Variants in TTN observed in about 807,000 individuals in gnomAD.
TTN encodes connectin.
TTN carries 1,525 observed loss-of-function variants against 3,223.0 expected under a neutral mutation model. That is an observed-to-expected ratio of 0.47 (90% CI 0.45 to 0.49). The LOEUF (loss-of-function observed/expected upper bound fraction) is 0.49. Among genes scored for constraint, TTN ranks in the 20% least tolerant of loss-of-function variants. The pLI, the probability that TTN is intolerant of heterozygous loss-of-function variation, is 0.00. For synonymous variants in TTN, 14,094 were observed against 15,161.0 expected, an observed-to-expected ratio of 0.93 and a Z score of 5.17; for missense variants, 40,786 against 43,424.0, an observed-to-expected ratio of 0.94 and a Z score of 5.40.
At position 178,582,555 on chromosome 2, in the gene TTN, T is replaced by G; in HGVS notation, c.65901A>C (p.Lys21967Asn). Reference sequence around the variant, plus strand: ...AAAGCATAGCACGATCTGAATACATTTTGTTGATTTTAACAGATGCTGGAG... The same window carrying G: ...AAAGCATAGCACGATCTGAATACATGTTGTTGATTTTAACAGATGCTGGAG... The part of the protein sequence containing the change: ...PGPPASVKIN[K>N]MYSDRAMLSW... The change falls in exon 314 of 363, where the codon AAA becomes AAC. Residue 21967 changes from lysine (K) to asparagine (N), a missense_variant. Coordinates refer to ENST00000589042, the MANE Select transcript of TTN (RefSeq NM_001267550.2). 4.3e-6 allele frequency: 7 copies of G among 1,611,664 alleles called. No homozygotes were observed. The highest frequency in any genetic ancestry group is 5.9e-6 in the Non-Finnish European group (7 of 1,178,572).
At chr2:178,558,699 C>T (rs977463779) in intron 326 of TTN, 62 bp from the exon 327 acceptor site, 129 of 1,481,404 alleles carry the variant, frequency 8.7e-5, no homozygotes, top group Non-Finnish European at 1.1e-4. Context: ...AATGTGCACT[C>T]TTCATGTATT....
Position 178,654,425 on chromosome 2 carries a change from C to T in TTN, c.38296+20G>A. The T allele has an allele frequency of 7.1e-7, 1 of 1,407,666 alleles. No individual in the cohort carries two copies. Among genetic ancestry groups the T allele is most frequent in the South Asian group, 1.4e-5 (1 of 71,468 alleles). The allele number at this position is 1,407,666 out of a possible 1,614,324, so 87.2% of individuals were successfully genotyped here. Reference sequence around the variant, plus strand: ...TCTTTCCCCAGGGCCCCCCGACTGACAATGTGTAATGATACCTACCTTTAG... The same window carrying T: ...TCTTTCCCCAGGGCCCCCCGACTGATAATGTGTAATGATACCTACCTTTAG... On this transcript the variant is annotated intron_variant, in intron 192 of 362. Transcript: ENST00000589042.
intron 81 of TTN, 53 bp downstream of exon 81, chr2:178,719,930 T>C (rs2078082591): frequency 6.5e-7 from 1 of 1,542,260 alleles, no homozygotes; most frequent in Non-Finnish European, 8.7e-7. Context: ...TTGAGGAAAA[T>C]GATCATGGAT....
In TTN at chr2:178,783,043, T is replaced by C. The variant is rs762556628; in HGVS notation, c.2863A>G (p.Ile955Val). 2.5e-6 allele frequency: 4 copies of C among 1,614,082 alleles called. No homozygotes were observed. Among genetic ancestry groups the C allele is most frequent in the Non-Finnish European group, 3.4e-6 (4 of 1,179,966 alleles). ...TCCAAGGTGACAGATTCACCTTCTATGACAGTCACATTTTTTAAGCCCTGA... is the reference window on the plus strand; with the variant it reads ...TCCAAGGTGACAGATTCACCTTCTACGACAGTCACATTTTTTAAGCCCTGA... The part of the protein sequence containing the change: ...LVSGLKNVTV[I>V]EGESVTLECH... Residue 955 changes from isoleucine (I) to valine (V), a missense_variant, in exon 18 of 363, where the codon ATA becomes GTA. Transcript: ENST00000589042.
chr2:178,538,251 T>G (rs1692586019), intron 354 of TTN: 1 of 465,608 alleles, frequency 2.1e-6, no homozygotes, highest in Admixed American at 3.9e-5. Context: ...TGGCATACAA[T>G]TGTTGACCTT....
rs1553912562 is a variant in TTN, at chr2:178,723,527, C to T, written c.21573G>A (p.Val7191=). The T allele has an allele frequency of 6.2e-7, 1 of 1,613,342 alleles. No homozygotes were observed. The highest frequency in any genetic ancestry group is 2.2e-5 in the East Asian group (1 of 44,804). ...DRCNIYFEDT[V]AELELFNIDI... ...CAATATTAAATAATTCCAGTTCTGC[C>T]ACAGTGTCTTCAAAATAGATGTTGC... The change falls in exon 74 of 363, where the codon GTG becomes GTA. Residue 7191 remains valine (V), a synonymous_variant. Transcript: ENST00000589042.
intron 330 of TTN, 157 bp from the exon 331 acceptor site, chr2:178,555,309 T>C: frequency 1.4e-6 from 1 of 695,536 alleles, no homozygotes; most frequent in Non-Finnish European, 2.3e-6. Context: ...ATTAAAAATT[T>C]ATAGGCCACT....
At position 178,570,218 on chromosome 2, in the gene TTN, G is replaced by A. The variant is rs142453163; in HGVS notation, c.75914C>T (p.Pro25305Leu). ...GACTTCTGGAGCTTTTGGTGCATCT[G>A]GTACTACAAATGGATTCTTGGCAAC... ...PVVAKNPFVV[P>L]DAPKAPEVTT... The change falls in exon 326 of 363, where the codon CCA becomes CTA. Residue 25305 changes from proline to leucine, a missense_variant. Transcript: ENST00000589042. The A allele has an allele frequency of 1.2e-4, 194 of 1,613,352 alleles. 1 individual carries two copies. The highest frequency in any genetic ancestry group is 1.5e-4 in the Non-Finnish European group (182 of 1,179,614).
chr2:178,668,432 T>C (rs1229135183), intron 159 of TTN, among the ~76,000 whole-genome samples: 2 of 151,558 alleles, frequency 1.3e-5, no homozygotes, highest in African/African-American at 4.8e-5. Context: ...TTTTTTAGAT[T>C]AAAAAAAATG....
chr2:178,557,853 T>C lies in TTN; in HGVS notation c.87501A>G (p.Gly29167=), dbSNP rs1303004729. ...LKWEPPKYDG[G]SQVTNYILLK... is the part of the protein sequence containing the mutation. ...GTAGAATGTAGTTGGTAACTTGACTTCCACCGTCATACTTAGGTGGCTCCC... is the reference window on the plus strand; with the variant it reads ...GTAGAATGTAGTTGGTAACTTGACTCCCACCGTCATACTTAGGTGGCTCCC... The change falls in exon 328 of 363, where the codon GGA becomes GGG. Residue 29167 remains glycine, a synonymous_variant. Transcript: ENST00000589042. The C allele has an allele frequency of 5.0e-6, 8 of 1,613,924 alleles. No individual in the cohort carries two copies. Among genetic ancestry groups the C allele is most frequent in the East Asian group, 4.5e-5 (2 of 44,880 alleles).
At chr2:178,550,801 A>G in intron 336 of TTN, 166 bp downstream of exon 336, 2 of 644,200 alleles carry the variant, frequency 3.1e-6, no homozygotes, top group Non-Finnish European at 5.2e-6. Flanking sequence ...ATTGATGCCA[A>G]TTATTTTTTT....
At position 178,547,692 on chromosome 2, in the gene TTN, C is replaced by T; in HGVS notation, c.93934G>A (p.Val31312Ile). The T allele has an allele frequency of 6.2e-7, 1 of 1,613,934 alleles. No homozygotes were observed. Among genetic ancestry groups the T allele is most frequent in the Non-Finnish European group, 8.5e-7 (1 of 1,179,836 alleles). The change falls in exon 339 of 363, where the codon GTA becomes ATA. Residue 31312 changes from valine (V) to isoleucine (I), a missense_variant. By Grantham distance (29) the Val-to-Ile change is conservative. Coordinates refer to ENST00000589042, the MANE Select transcript of TTN (RefSeq NM_001267550.2). Reference sequence around the variant, plus strand: ...GATGAGACCTCAATGGGGCCGGTTACTGGACCTGGCCTTCCAATGACCACA... The same window carrying T: ...GATGAGACCTCAATGGGGCCGGTTATTGGACCTGGCCTTCCAATGACCACA... ...TVVVIGRPGP[V>I]TGPIEVSSVS...
Position 178,534,675 on chromosome 2 carries a change from T to A in TTN, c.101940A>T (p.Glu33980Asp), listed in dbSNP as rs2154136129. ...DNFRLLFTAP[E>D]YYAPEVHQHD... ...GCTGGTGGACTTCAGGTGCATAGTA[T>A]TCTGGGGCAGTGAATAGAAGCCTGA... Residue 33980 changes from glutamate to aspartate, a missense_variant, in exon 358 of 363, where the codon GAA becomes GAT. Glu to Asp is a conservative substitution (Grantham distance 45, BLOSUM62 2). Transcript: ENST00000589042. 6.2e-7 allele frequency: 1 copy of A among 1,613,844 alleles called. No individual in the cohort carries two copies.
chr2:178,781,592 A>C (rs536995958), intron 20 of TTN, among the ~76,000 whole-genome samples: 11 of 152,302 alleles, frequency 7.2e-5, no homozygotes, highest in African/African-American at 2.6e-4. Context: ...TATTTTTCTC[A>C]TTATTTCATT....
rs2154267293 is a variant in TTN, at chr2:178,675,764, T to C, written c.34454-10A>G. 6.7e-7 allele frequency: 1 copy of C among 1,483,290 alleles called. No individual in the cohort carries two copies. The highest frequency in any genetic ancestry group is 8.9e-7 in the Non-Finnish European group (1 of 1,121,192). The allele number at this position is 1,483,290 out of a possible 1,614,324, so 91.9% of individuals were successfully genotyped here. ...TTAGGTACCACAGACACTTTAAAAATATTATTTTATTTTATAAGTTCAGTT... is the reference window on the plus strand; with the variant it reads ...TTAGGTACCACAGACACTTTAAAAACATTATTTTATTTTATAAGTTCAGTT... On this transcript the variant is annotated splice_polypyrimidine_tract_variant and intron_variant, in intron 148 of 362. Coordinates refer to ENST00000589042, the MANE Select transcript of TTN (RefSeq NM_001267550.2).
intron 47 of TTN, chr2:178,751,880 G>A: frequency 6.2e-7 from 1 of 1,604,856 alleles, no homozygotes. Context: ...AAGTTTCTGG[G>A]TAAAAGAAGG....
chr2:178,794,777 A>T, intron 7 of TTN, 145 bp downstream of exon 7: 2 of 1,157,800 alleles, frequency 1.7e-6, no homozygotes, highest in Non-Finnish European at 2.5e-6. Context: ...AAGCATGACT[A>T]CTGAATTTGG....
In TTN at chr2:178,741,716, C is replaced by G; in HGVS notation, c.11517G>C (p.Leu3839=). 1 of 1,613,722 alleles carries G rather than the reference C, an allele frequency of 6.2e-7. No individual in the cohort carries two copies. The highest frequency in any genetic ancestry group is 8.5e-7 in the Non-Finnish European group (1 of 1,179,734). Reference sequence around the variant, plus strand: ...TGGGGATGCCAATGACAGTTACAGACAGTGTAGCCACATCCCCCATGCTTA... The same window carrying G: ...TGGGGATGCCAATGACAGTTACAGAGAGTGTAGCCACATCCCCCATGCTTA... ...ADISMGDVAT[L]SVTVIGIPKP... Residue 3839 remains leucine (L), a synonymous_variant, in exon 48 of 363, where the codon CTG becomes CTC. Transcript: ENST00000589042.
chr2:178,684,252 C>G (rs2070225324), intron 132 of TTN, 78 bp downstream of exon 132: 2 of 1,436,772 alleles, frequency 1.4e-6, no homozygotes, highest in South Asian at 2.6e-5. Context: ...ACAACAAAAA[C>G]CAGCCCCCAT....
Sources: allele counts gnomAD v4.1 joint callset (sites outside exome capture counted in the v4.1 genomes callset), GRCh38; gene constraint gnomAD v4.1.1; transcripts MANE v1.5; gene names NCBI Gene and HGNC (gene_info 2026-07-23, HGNC 2026-07-21).